The following MACROD2 variants were observed in gnomAD, a reference collection of about 807,000 sequenced individuals.
MACROD2 encodes the protein mono-ADP ribosylhydrolase 2, also known as ADP-ribose glycohydrolase MACROD2.
A neutral mutation model predicts 70.4 loss-of-function variants in MACROD2; 36 were observed. That is an observed-to-expected ratio of 0.51 (90% CI 0.39 to 0.68). The LOEUF is 0.68. Among genes scored for constraint, MACROD2 ranks in the 30% least tolerant of loss-of-function variants. The probability of loss-of-function intolerance (pLI) is 0.00; values close to 1 mark genes in which losing one functional copy is unlikely to be tolerated. For synonymous variants in MACROD2, 172 were observed against 178.8 expected (o/e 0.96, Z 0.30); for missense variants, 496 against 538.4 (o/e 0.92, Z 0.78).
chr20:14,498,142 G>A (rs963250673), intron 4 of MACROD2, among the ~76,000 whole-genome samples: 5 of 151,764 alleles, frequency 3.3e-5, no homozygotes, highest in African/African-American at 1.2e-4. Flanking sequence ...CAATGAGGCT[G>A]TTTGTGTGAC....
chr20:14,039,770 C>A (rs1386071201), intron 2 of MACROD2, among the ~76,000 whole-genome samples: 2 of 149,044 alleles, frequency 1.3e-5, no homozygotes, highest in African/African-American at 4.9e-5. Flanking sequence ...TTGTTTCATT[C>A]TAAATACTGA....
chr20:14,304,017 T>C lies in MACROD2; in HGVS notation c.272-189462T>C, dbSNP rs562767257. Among the ~76,000 whole-genome samples the C allele has an allele frequency of 3.3e-5, 5 of 152,276 alleles. No individual in the cohort carries two copies. The South Asian group carries it at 8.3e-4, about 25-fold the overall frequency. ...TTTACCAGAATGAACACATTTTGAG[T>C]GTCTTTATTATTCTGTACCACTTTA... On this transcript the variant is annotated intron_variant, in intron 3 of 17. Coordinates refer to ENST00000684519, the MANE Select transcript of MACROD2 (RefSeq NM_001351661.2).
At chr20:14,702,156 A>T (rs1332603253) in intron 5 of MACROD2, among the ~76,000 whole-genome samples, 1 of 150,984 alleles carries the variant, frequency 6.6e-6, no homozygotes, top group African/African-American at 2.4e-5. Flanking sequence ...AGAAAGCTTT[A>T]TTTTTTTTTA....
At chr20:14,448,698 AAG>A (rs2084211997) in intron 3 of MACROD2, among the ~76,000 whole-genome samples, 1 of 150,594 alleles carries the variant, frequency 6.6e-6, no homozygotes, top group Non-Finnish European at 1.5e-5. Context: ...GAAAGAAAGA[AAG>A]GCGGTGAGAG....
At chr20:14,035,220 G>A (rs1438253658) in intron 2 of MACROD2, among the ~76,000 whole-genome samples, 1 of 152,068 alleles carries the variant, frequency 6.6e-6, no homozygotes, top group African/African-American at 2.4e-5. Flanking sequence ...CTTTGCATTA[G>A]CTAAGGTCAC....
At chr20:15,720,173 C>T (rs1408300913) in intron 8 of MACROD2, among the ~76,000 whole-genome samples, 2 of 152,128 alleles carry the variant, frequency 1.3e-5, no homozygotes, top group African/African-American at 4.8e-5. Context: ...CATATATTTA[C>T]CACATTTTCT....
intron 3 of MACROD2, among the ~76,000 whole-genome samples, chr20:14,466,294 TTG>T (rs2084447450): frequency 6.6e-6 from 1 of 152,108 alleles, no homozygotes; most frequent in Non-Finnish European, 1.5e-5. Context: ...TCATCTTCCA[TTG>T]CTGATACCCT....
chr20:15,985,867 C>T (rs1418753913), intron 13 of MACROD2: 2 of 152,318 alleles, frequency 1.3e-5, no homozygotes, highest in Non-Finnish European at 2.9e-5. Context: ...CCTTAAAATC[C>T]GAGCTCCCCA....
intron 5 of MACROD2, among the ~76,000 whole-genome samples, chr20:14,807,622 G>T (rs1355358055): frequency 1.3e-5 from 2 of 152,068 alleles, no homozygotes. Context: ...GGCTTCAGAA[G>T]GTGAGTAATA....
At chr20:16,007,187 G>A (rs2066800712) in intron 15 of MACROD2, among the ~76,000 whole-genome samples, 1 of 152,166 alleles carries the variant, frequency 6.6e-6, no homozygotes, top group South Asian at 2.1e-4. Context: ...GAACATTTTT[G>A]GTAGGTAAGA....
At chr20:14,074,766 T>C (rs2053895643) in intron 2 of MACROD2, among the ~76,000 whole-genome samples, 3 of 152,214 alleles carry the variant, frequency 2.0e-5, no homozygotes, top group Non-Finnish European at 4.4e-5. Context: ...TCTCCCCTGA[T>C]CCTTAGTTTT....
chr20:15,169,451 G>A (rs937094901), intron 5 of MACROD2, among the ~76,000 whole-genome samples: 2 of 152,114 alleles, frequency 1.3e-5, no homozygotes, highest in African/African-American at 4.8e-5. Flanking sequence ...CATTAACAGA[G>A]CCACGTTCTT....
intron 5 of MACROD2, among the ~76,000 whole-genome samples, chr20:15,072,512 CTAGTT>C (rs2075626554): frequency 6.6e-6 from 1 of 152,112 alleles, no homozygotes; most frequent in Non-Finnish European, 1.5e-5. Context: ...TTTTCTGACT[CTAGTT>C]TAGTATCTTG....
At chr20:14,837,974 C>T (rs551854635) in intron 5 of MACROD2, among the ~76,000 whole-genome samples, 3 of 149,396 alleles carry the variant, frequency 2.0e-5, no homozygotes, top group East Asian at 2.0e-4. Context: ...ACAAAACAAA[C>T]ACATGGAAAC....
intron 8 of MACROD2, among the ~76,000 whole-genome samples, chr20:15,822,809 A>G (rs925162874): frequency 2.6e-5 from 4 of 152,138 alleles, no homozygotes; most frequent in African/African-American, 9.7e-5. Flanking sequence ...AGGACAGCAA[A>G]TTAGGAAAGA....
intron 6 of MACROD2, among the ~76,000 whole-genome samples, chr20:15,308,935 A>C (rs1323882657): frequency 6.6e-6 from 1 of 152,100 alleles, no homozygotes; most frequent in Non-Finnish European, 1.5e-5. Flanking sequence ...GGAAAGTTTT[A>C]ATCTAAACAA....
At chr20:14,589,357 C>T (rs757082172) in intron 4 of MACROD2, among the ~76,000 whole-genome samples, 15 of 152,112 alleles carry the variant, frequency 9.9e-5, no homozygotes, top group South Asian at 2.1e-4. Context: ...GTTAGCATAA[C>T]ATCTCAATAA....
chr20:14,209,717 C>T (rs1223248471), intron 3 of MACROD2, among the ~76,000 whole-genome samples: 1 of 152,014 alleles, frequency 6.6e-6, no homozygotes, highest in Non-Finnish European at 1.5e-5. Flanking sequence ...GGCATCCGAG[C>T]CAGACATAAG....
chr20:16,027,041 T>C (rs546654789), intron 15 of MACROD2, among the ~76,000 whole-genome samples: 1 of 152,314 alleles, frequency 6.6e-6, no homozygotes, highest in East Asian at 1.9e-4. Context: ...CCCAAGTATG[T>C]GTGATATTGC....
Sources: gnomAD v4.1 joint callset for allele counts (sites outside exome capture counted in the v4.1 genomes callset) on GRCh38, gnomAD v4.1.1 for gene constraint, MANE v1.5 for transcripts, NCBI Gene and HGNC (gene_info 2026-07-23, HGNC 2026-07-21) for gene names.